The following TMEFF2 variants were observed in gnomAD, a reference collection of about 807,000 sequenced individuals.
TMEFF2 encodes the protein transmembrane protein with EGF like and two follistatin like domains 2, also known as tomoregulin-2.
TMEFF2 carries 28 observed loss-of-function variants against 53.8 expected under a neutral mutation model. That is an observed-to-expected ratio of 0.52 (90% CI 0.39 to 0.71). The LOEUF is 0.71. TMEFF2 is among the 30% of genes least tolerant of loss of function. The probability of loss-of-function intolerance (pLI) is 0.00; values close to 1 mark genes in which losing one functional copy is unlikely to be tolerated. For synonymous variants in TMEFF2, 162 were observed against 166.3 expected, an observed-to-expected ratio of 0.97 and a Z score of 0.20; for missense variants, 353 against 455.2, an observed-to-expected ratio of 0.78 and a Z score of 2.04.
At chr2:192,046,402 A>G (rs1574322866) in intron 5 of TMEFF2, among the ~76,000 whole-genome samples, 1 of 152,136 alleles carries the variant, frequency 6.6e-6, no homozygotes, top group African/African-American at 2.4e-5. Context: ...GAAAGAAATC[A>G]CAGTTGTAAC....
intron 4 of TMEFF2, among the ~76,000 whole-genome samples, chr2:192,156,941 T>C (rs1181068702): frequency 6.6e-6 from 1 of 152,028 alleles, no homozygotes; most frequent in Non-Finnish European, 1.5e-5. Flanking sequence ...TTTGAGAGCC[T>C]ACTATCACTT....
At chr2:192,065,777 C>T (rs1207664036) in intron 4 of TMEFF2, among the ~76,000 whole-genome samples, 2 of 151,414 alleles carry the variant, frequency 1.3e-5, no homozygotes, top group Non-Finnish European at 3.0e-5. Flanking sequence ...CTCATTATCA[C>T]AAAAAATCTG....
At position 192,118,279 on chromosome 2, in the gene TMEFF2, T is replaced by C. The variant is rs564862351; in HGVS notation, c.440-60504A>G. Among the ~76,000 whole-genome samples, 5 of 152,180 alleles carry C rather than the reference T, an allele frequency of 3.3e-5. No homozygotes were observed. The South Asian group carries it at 1.0e-3, about 32-fold the overall frequency. ...AACAGATGTGTTTGATCCTCTTCAATTGACTACCTACAGCAACTGCCAGTT... is the reference window on the plus strand; with the variant it reads ...AACAGATGTGTTTGATCCTCTTCAACTGACTACCTACAGCAACTGCCAGTT... On this transcript the variant is annotated intron_variant, in intron 4 of 9. Coordinates refer to ENST00000272771, the MANE Select transcript of TMEFF2 (RefSeq NM_016192.4).
At chr2:192,075,300 T>TAAATATATATATATATATAAATATATAA (rs1559114998) in intron 4 of TMEFF2, among the ~76,000 whole-genome samples, 3 of 40,116 alleles carry the variant, frequency 7.5e-5, no homozygotes, top group African/African-American at 2.4e-4. Flanking sequence ...TATATATATA[T>TAAATATATATATATATATAAATATATAA]ATATATATAT....
At chr2:191,999,314 C>T in intron 5 of TMEFF2, 106 bp from the exon 6 acceptor site, 1 of 992,730 alleles carries the variant, frequency 1.0e-6, no homozygotes. Context: ...TGCAAGTTGG[C>T]AAAATTGAAT....
intron 4 of TMEFF2, among the ~76,000 whole-genome samples, chr2:192,075,292 T>C (rs1165448361): frequency 3.5e-5 from 1 of 28,416 alleles, no homozygotes; most frequent in African/African-American, 1.7e-4. Context: ...CTATTATATA[T>C]ATATATATAT....
rs1366510904 is a variant in TMEFF2, at chr2:192,194,534, G to T, written c.-10C>A. On this transcript the variant is annotated 5_prime_UTR_variant, in exon 1 of 10. Transcript: ENST00000272771. This position sits in a 1 kb window ranked among gnomAD's most constrained non-coding sequence, Gnocchi z 4.2. Reference sequence around the variant, plus strand: ...ACTCCCACAGCACCATGACTAGTTCGTGCAACTCTGCAGCAGCAAACGGCT... The same window carrying T: ...ACTCCCACAGCACCATGACTAGTTCTTGCAACTCTGCAGCAGCAAACGGCT... The T allele has an allele frequency of 1.9e-6, 3 of 1,610,476 alleles. No homozygotes were observed. The highest frequency in any genetic ancestry group is 1.3e-5 in the African/African-American group (1 of 74,834).
chr2:192,037,276 A>AGAAAGAAAGAAAGAAAG (rs1559096300), intron 5 of TMEFF2, among the ~76,000 whole-genome samples: 2 of 106,714 alleles, frequency 1.9e-5, no homozygotes, highest in African/African-American at 9.7e-5. Context: ...GCCAAAATAA[A>AGAAAGAAAGAAAGAAAG]GAAAGAAAGA....
chr2:192,027,486 G>A (rs7567719), intron 5 of TMEFF2, among the ~76,000 whole-genome samples: 1,812 of 152,256 alleles, frequency 0.012, 39 homozygotes, highest in African/African-American at 0.04. Context: ...GAGAGTATAC[G>A]AAAGAAAAGA....
At chr2:192,186,858 C>A (rs532868523) in intron 2 of TMEFF2, among the ~76,000 whole-genome samples, 1 of 152,270 alleles carries the variant, frequency 6.6e-6, no homozygotes, top group South Asian at 2.1e-4. Flanking sequence ...TATTTATTAT[C>A]TCTCCCAAGT....
intron 4 of TMEFF2, among the ~76,000 whole-genome samples, chr2:192,081,746 C>T (rs912345229): frequency 3.7e-4 from 55 of 149,524 alleles, no homozygotes; most frequent in African/African-American, 1.3e-3. Context: ...TAAAATCATA[C>T]TTTTAAATAC....
chr2:192,093,748 T>C (rs1688843351), intron 4 of TMEFF2, among the ~76,000 whole-genome samples: 1 of 151,922 alleles, frequency 6.6e-6, no homozygotes, highest in African/African-American at 2.4e-5. Flanking sequence ...ATTTTAGGGT[T>C]GAAACCCAAG....
intron 4 of TMEFF2, among the ~76,000 whole-genome samples, chr2:192,101,409 T>C (rs1394095980): frequency 6.6e-6 from 1 of 152,194 alleles, no homozygotes; most frequent in Non-Finnish European, 1.5e-5. Context: ...AAAACAACAA[T>C]ATAGTTACTT....
intron 8 of TMEFF2, among the ~76,000 whole-genome samples, chr2:191,955,524 A>ATTTT (rs71405028): frequency 9.9e-5 from 6 of 60,302 alleles, no homozygotes; most frequent in Non-Finnish European, 1.7e-4. Context: ...CTAATTCTTA[A>ATTTT]TTTTTTTTTT....
intron 4 of TMEFF2, among the ~76,000 whole-genome samples, chr2:192,093,041 G>A (rs1202986898): frequency 6.6e-6 from 1 of 152,110 alleles, no homozygotes; most frequent in Non-Finnish European, 1.5e-5. Context: ...CAAATTAAGA[G>A]TTTAATTAGA....
chr2:191,964,387 T>TC (rs1692397489), intron 7 of TMEFF2, among the ~76,000 whole-genome samples: 1 of 25,774 alleles, frequency 3.9e-5, no homozygotes, highest in Non-Finnish European at 8.4e-5. Context: ...TCTTTCTTTC[T>TC]TTCTTTCTTT....
rs748989505 is a variant in TMEFF2, at chr2:191,953,729, A to T, written c.978T>A (p.Ile326=). Residue 326 remains isoleucine, a synonymous_variant, in exon 9 of 10, where the codon ATT becomes ATA. Transcript: ENST00000272771. ...AGATGACAGCAATCTGAATTGTTCC[A>T]ATCACAGCTGCGATTAAGACATACT... ...RFQYVLIAAV[I]GTIQIAVICV... is the part of the protein sequence containing the mutation. 6.2e-7 allele frequency: 1 copy of T among 1,614,062 alleles called. No homozygotes were observed. Among genetic ancestry groups the T allele is most frequent in the Middle Eastern group, 1.6e-4 (1 of 6,084 alleles).
chr2:192,038,631 A>G (rs958792299), intron 5 of TMEFF2, among the ~76,000 whole-genome samples: 2 of 151,926 alleles, frequency 1.3e-5, no homozygotes, highest in African/African-American at 4.8e-5. Context: ...AGCTGGGACT[A>G]CAGATGTCCA....
intron 4 of TMEFF2, among the ~76,000 whole-genome samples, chr2:192,106,999 T>C (rs1178046296): frequency 6.6e-6 from 1 of 151,670 alleles, no homozygotes; most frequent in Admixed American, 6.6e-5. Context: ...ATGAAGGGCA[T>C]GTAGGGAGTA....
Sources: allele counts gnomAD v4.1 joint callset (sites outside exome capture counted in the v4.1 genomes callset), GRCh38; gene constraint gnomAD v4.1.1; non-coding constraint Gnocchi (gnomAD v3.1); transcripts MANE v1.5; gene names NCBI Gene and HGNC (gene_info 2026-07-23, HGNC 2026-07-21).